DGKB: variants seen among roughly 807,000 people sequenced by gnomAD.
DGKB encodes the protein diacylglycerol kinase beta, also known as 90 kDa diacylglycerol kinase.
A neutral mutation model predicts 114.3 loss-of-function variants in DGKB; 67 were observed. The ratio of observed to expected loss-of-function variants is 0.59; its 90% CI spans 0.48 to 0.72. The LOEUF is 0.72. Among genes scored for constraint, DGKB ranks in the 30% least tolerant of loss-of-function variants. The pLI, the probability that DGKB is intolerant of heterozygous loss-of-function variation, is 0.00. For synonymous variants in DGKB, 398 were observed against 323.1 expected (o/e 1.23, Z -2.49); for missense variants, 907 against 975.2 (o/e 0.93, Z 0.93).
intron 23 of DGKB, among the ~76,000 whole-genome samples, chr7:14,219,040 T>C (rs1217938675): frequency 5.3e-5 from 8 of 151,984 alleles, no homozygotes; most frequent in African/African-American, 1.9e-4. Context: ...TATTTTGTGA[T>C]TTCCTTCTTT....
chr7:14,451,071 C>T (rs10254013), intron 21 of DGKB, among the ~76,000 whole-genome samples: 381 of 152,054 alleles, frequency 2.5e-3, no homozygotes, highest in African/African-American at 8.6e-3. Context: ...AAGTAGAGAC[C>T]ATCTGCCATC....
chr7:14,423,789 C>A (rs1563154391), intron 21 of DGKB, among the ~76,000 whole-genome samples: 1 of 152,066 alleles, frequency 6.6e-6, no homozygotes, highest in South Asian at 2.1e-4. Context: ...TGGTATATGG[C>A]AATATATTGA....
At chr7:14,271,362 T>C (rs1434567369) in intron 23 of DGKB, among the ~76,000 whole-genome samples, 1 of 151,972 alleles carries the variant, frequency 6.6e-6, no homozygotes, top group East Asian at 1.9e-4. Context: ...TATGAGATGA[T>C]TAGACCAAAG....
chr7:14,551,334 G>T (rs1390537788), intron 20 of DGKB, among the ~76,000 whole-genome samples: 1 of 152,132 alleles, frequency 6.6e-6, no homozygotes, highest in South Asian at 2.1e-4. Flanking sequence ...TGTGGATAAG[G>T]TTTTCATTTT....
At chr7:14,377,780 T>C (rs183380957) in intron 21 of DGKB, among the ~76,000 whole-genome samples, 234 of 152,264 alleles carry the variant, frequency 1.5e-3, no homozygotes, top group Non-Finnish European at 2.7e-3. Context: ...GTCCCTGGGA[T>C]CTTCCTGGGA....
At chr7:14,955,168 C>T (rs1269729728) in intron 1 of DGKB, among the ~76,000 whole-genome samples, 1 of 151,926 alleles carries the variant, frequency 6.6e-6, no homozygotes, top group Non-Finnish European at 1.5e-5. Context: ...TAAATGTGGA[C>T]ATTTAATTTA....
chr7:14,314,888 T>A (rs1054100026), intron 23 of DGKB, among the ~76,000 whole-genome samples: 5 of 151,662 alleles, frequency 3.3e-5, no homozygotes, highest in Non-Finnish European at 5.9e-5. Context: ...GAGAGAAAGG[T>A]CGGGTTCCCC....
intron 23 of DGKB, among the ~76,000 whole-genome samples, chr7:14,337,535 C>T (rs1810903333): frequency 6.6e-6 from 1 of 152,072 alleles, no homozygotes; most frequent in African/African-American, 2.4e-5. Context: ...GAAGTCACTG[C>T]TTGTTACTGA....
intron 1 of DGKB, among the ~76,000 whole-genome samples, chr7:14,864,098 T>C (rs1851368744): frequency 6.9e-5 from 9 of 130,558 alleles, no homozygotes. Flanking sequence ...CAAAACTCTG[T>C]TTCAAAAAAA....
chr7:14,709,440 A>G, intron 6 of DGKB, among the ~76,000 whole-genome samples: 1 of 122,290 alleles, frequency 8.2e-6, no homozygotes, highest in Non-Finnish European at 1.8e-5. Flanking sequence ...TGGAAATACC[A>G]TTTGACCCAG....
intron 5 of DGKB, among the ~76,000 whole-genome samples, chr7:14,730,921 G>T (rs1180571740): frequency 6.6e-6 from 1 of 152,160 alleles, no homozygotes; most frequent in East Asian, 1.9e-4. Context: ...AGAAACCCAG[G>T]AGTAATATAA....
chr7:14,527,427 T>C (rs1560479), intron 20 of DGKB, among the ~76,000 whole-genome samples: 64,580 of 151,904 alleles, frequency 0.43, 14,828 homozygotes, highest in East Asian at 0.72. Flanking sequence ...GGGTATTATT[T>C]TTCTCATTCA....
At chr7:14,419,580 T>C (rs886532013) in intron 21 of DGKB, among the ~76,000 whole-genome samples, 1 of 151,464 alleles carries the variant, frequency 6.6e-6, no homozygotes, top group East Asian at 1.9e-4. Flanking sequence ...TTCCACATTA[T>C]CCTTAAAGTT....
intron 23 of DGKB, among the ~76,000 whole-genome samples, chr7:14,230,980 C>G (rs933107616): frequency 1.4e-4 from 21 of 152,162 alleles, no homozygotes; most frequent in Non-Finnish European, 2.9e-4. Context: ...TACTATTATG[C>G]TGTGATCTTC....
chr7:14,214,663 C>T (rs1167079001), intron 23 of DGKB, among the ~76,000 whole-genome samples: 1 of 152,026 alleles, frequency 6.6e-6, no homozygotes, highest in Admixed American at 6.6e-5. Context: ...CCTGCTCTCT[C>T]CTATTACATA....
intron 23 of DGKB, among the ~76,000 whole-genome samples, chr7:14,268,581 T>G (rs17168036): frequency 0.16 from 24,522 of 152,116 alleles, 2,566 homozygotes; most frequent in East Asian, 0.33. Context: ...AAAATGAGAT[T>G]AGTGCAATTT....
At chr7:14,330,422 A>G (rs1167115502) in intron 23 of DGKB, among the ~76,000 whole-genome samples, 2 of 152,014 alleles carry the variant, frequency 1.3e-5, no homozygotes, top group Non-Finnish European at 2.9e-5. Context: ...TCAGGAATGA[A>G]CAAATTGATG....
At chr7:14,603,907 G>A (rs1804008771) in intron 17 of DGKB, among the ~76,000 whole-genome samples, 1 of 152,102 alleles carries the variant, frequency 6.6e-6, no homozygotes, top group Admixed American at 6.6e-5. Context: ...AAGGGGAAAA[G>A]TAATGTCACA....
chr7:14,552,990 G>C (rs1208532869), intron 20 of DGKB, among the ~76,000 whole-genome samples: 1 of 152,206 alleles, frequency 6.6e-6, no homozygotes, highest in East Asian at 1.9e-4. Flanking sequence ...ACGGCTTTGA[G>C]ATCTTTGGGA....
Sources: allele counts gnomAD v4.1 joint callset (sites outside exome capture counted in the v4.1 genomes callset), GRCh38; gene constraint gnomAD v4.1.1; transcripts MANE v1.5; gene names NCBI Gene and HGNC (gene_info 2026-07-23, HGNC 2026-07-21).